Variants in RBFOX1 observed in about 807,000 individuals in gnomAD.
The protein encoded by RBFOX1 is RNA binding fox-1 homolog 1.
In RBFOX1, 8 loss-of-function variants were observed where a neutral mutation model predicts 57.7. The observed-to-expected ratio is 0.14, with a 90% CI of 0.08 to 0.25. The LOEUF (loss-of-function observed/expected upper bound fraction) is 0.25. Ranked by LOEUF, RBFOX1 falls within the 10% of genes least tolerant of loss-of-function variation. The pLI is 1.00. For synonymous variants in RBFOX1, 326 were observed against 222.4 expected (o/e 1.47, Z -4.15); for missense variants, 611 against 548.5 (o/e 1.11, Z -1.14).
At chr16:7,371,965 C>G (rs920953231) in intron 4 of RBFOX1, among the ~76,000 whole-genome samples, 1 of 151,650 alleles carries the variant, frequency 6.6e-6, no homozygotes, top group Non-Finnish European at 1.5e-5. Flanking sequence ...TCCCTTAATT[C>G]CTTTTTTTTT....
chr16:6,873,596 C>T (rs574377232), intron 3 of RBFOX1, among the ~76,000 whole-genome samples: 1 of 152,130 alleles, frequency 6.6e-6, no homozygotes, highest in African/African-American at 2.4e-5. Context: ...ACATATTACA[C>T]GTCTAGTTTT....
intron 3 of RBFOX1, among the ~76,000 whole-genome samples, chr16:6,718,828 A>G (rs543982669): frequency 1.3e-5 from 2 of 152,010 alleles, no homozygotes; most frequent in African/African-American, 4.8e-5. Context: ...AGAGATGTGC[A>G]TGTTTCTTTC....
At chr16:5,326,427 C>T (rs1210455212) in intron 1 of RBFOX1, among the ~76,000 whole-genome samples, 1 of 152,172 alleles carries the variant, frequency 6.6e-6, no homozygotes, top group East Asian at 1.9e-4. Flanking sequence ...ACACTTGAGG[C>T]TGGGGAGAGT....
chr16:5,835,990 T>G (rs189732997), intron 3 of RBFOX1, among the ~76,000 whole-genome samples: 37 of 152,316 alleles, frequency 2.4e-4, no homozygotes, highest in African/African-American at 8.9e-4. Flanking sequence ...AGGCTGAGGC[T>G]GCTTGGAGGG....
chr16:6,781,505 T>C (rs2081017234), intron 3 of RBFOX1, among the ~76,000 whole-genome samples: 1 of 151,936 alleles, frequency 6.6e-6, no homozygotes, highest in Non-Finnish European at 1.5e-5. Flanking sequence ...GAATTGGTAT[T>C]AAGTCTTCCT....
chr16:5,993,591 T>C (rs1199610487), intron 4 of RBFOX1, among the ~76,000 whole-genome samples: 1 of 152,198 alleles, frequency 6.6e-6, no homozygotes, highest in African/African-American at 2.4e-5. Flanking sequence ...ATTTGACTTC[T>C]CTGATGTTCT....
chr16:6,306,324 C>T (rs1242876028), intron 1 of RBFOX1, among the ~76,000 whole-genome samples: 1 of 152,188 alleles, frequency 6.6e-6, no homozygotes, highest in African/African-American at 2.4e-5. Context: ...CACAGGGGAT[C>T]TCCTTTCCCT....
At chr16:7,305,959 C>T (rs1010131109) in intron 4 of RBFOX1, among the ~76,000 whole-genome samples, 3 of 151,978 alleles carry the variant, frequency 2.0e-5, no homozygotes, top group Non-Finnish European at 2.9e-5. Context: ...CGTTTTATAC[C>T]AGTTATTTCC....
intron 3 of RBFOX1, among the ~76,000 whole-genome samples, chr16:7,001,280 C>A (rs570014370): frequency 6.6e-6 from 1 of 151,962 alleles, no homozygotes; most frequent in Non-Finnish European, 1.5e-5. Context: ...GGAGAGATTC[C>A]TTGCTTTGTG....
intron 4 of RBFOX1, among the ~76,000 whole-genome samples, chr16:7,125,632 G>A (rs528695317): frequency 2.0e-5 from 3 of 151,996 alleles, no homozygotes; most frequent in Non-Finnish European, 2.9e-5. Flanking sequence ...GATGGATATC[G>A]TTAACTCTAC....
At chr16:6,846,821 A>T (rs898888400) in intron 3 of RBFOX1, among the ~76,000 whole-genome samples, 1 of 152,126 alleles carries the variant, frequency 6.6e-6, no homozygotes, top group Non-Finnish European at 1.5e-5. Context: ...CAGCTGCTTT[A>T]ATAAGCCTAC....
chr16:7,504,512 CAA>C lies in RBFOX1; in HGVS notation c.28-13633_28-13632del, dbSNP rs1330030399. Reference sequence around the variant, plus strand: ...GTGAATTGTTCCACCATAACTCTCACAAATATCACCTCTTATCTCAGCCCACA... The same window carrying C: ...GTGAATTGTTCCACCATAACTCTCACATATCACCTCTTATCTCAGCCCACA... On this transcript the variant is annotated intron_variant, in intron 4 of 15. Transcript: ENST00000550418. 1.4e-4 allele frequency among the ~76,000 whole-genome samples: 21 copies of C among 150,466 alleles called. No homozygotes were observed. In the East Asian group the frequency reaches 3.8e-3, roughly 27 times the overall value.
At chr16:6,679,665 G>C (rs1357092098) in intron 3 of RBFOX1, among the ~76,000 whole-genome samples, 5 of 152,234 alleles carry the variant, frequency 3.3e-5, no homozygotes, top group African/African-American at 9.6e-5. Context: ...TAAAACACCT[G>C]TATAAAGCAT....
chr16:7,557,659 A>C, intron 5 of RBFOX1, among the ~76,000 whole-genome samples: 2 of 149,490 alleles, frequency 1.3e-5, no homozygotes, highest in Admixed American at 1.3e-4. Flanking sequence ...GAAAAAAAAA[A>C]AGCATTTTCT....
chr16:6,544,308 C>G (rs201882047), intron 2 of RBFOX1, among the ~76,000 whole-genome samples: 2 of 152,182 alleles, frequency 1.3e-5, no homozygotes, highest in African/African-American at 4.8e-5. Context: ...GGATTCAAAT[C>G]AAGCATATCT....
chr16:6,257,718 T>C (rs1471547795), intron 1 of RBFOX1, among the ~76,000 whole-genome samples: 1 of 152,216 alleles, frequency 6.6e-6, no homozygotes, highest in Non-Finnish European at 1.5e-5. Flanking sequence ...GACAATGGCC[T>C]CCAGCTCCTT....
At chr16:6,951,435 G>C (rs1430197303) in intron 3 of RBFOX1, among the ~76,000 whole-genome samples, 3 of 152,124 alleles carry the variant, frequency 2.0e-5, no homozygotes, top group Non-Finnish European at 4.4e-5. Context: ...TCTCATAATG[G>C]AGTCAGCTCA....
chr16:6,827,362 G>C (rs1430254519), intron 3 of RBFOX1, among the ~76,000 whole-genome samples: 2 of 152,146 alleles, frequency 1.3e-5, no homozygotes, highest in African/African-American at 4.8e-5. Flanking sequence ...GGGAAGATGT[G>C]TTGTGTGCCT....
intron 4 of RBFOX1, among the ~76,000 whole-genome samples, chr16:7,221,218 A>G (rs2092702243): frequency 6.6e-6 from 1 of 152,184 alleles, no homozygotes; most frequent in African/African-American, 2.4e-5. Context: ...GTAAGTGTTC[A>G]AAAATAGTTT....
Sources: allele counts gnomAD v4.1 joint callset (sites outside exome capture counted in the v4.1 genomes callset), GRCh38; gene constraint gnomAD v4.1.1; transcripts MANE v1.5; gene names NCBI Gene and HGNC (gene_info 2026-07-23, HGNC 2026-07-21).